The following TBC1D8 variants were observed in gnomAD, a reference collection of about 807,000 sequenced individuals.
The protein encoded by TBC1D8 is BUB2-like protein 1.
Under a neutral mutation model 118.8 loss-of-function variants are expected in TBC1D8, and 65 were observed. The ratio of observed to expected loss-of-function variants is 0.55; its 90% CI spans 0.45 to 0.67. The LOEUF is 0.67. TBC1D8 is among the 30% of genes least tolerant of loss of function. TBC1D8 has a pLI of 0.00. For missense variants in TBC1D8, 1,376 were observed against 1,471.2 expected (o/e 0.94, Z 1.06); for synonymous variants, 566 against 595.8 (o/e 0.95, Z 0.73).
intron 1 of TBC1D8, among the ~76,000 whole-genome samples, chr2:101,128,128 C>T (rs1018944221): frequency 1.3e-5 from 2 of 152,158 alleles, no homozygotes; most frequent in Non-Finnish European, 2.9e-5. Flanking sequence ...ATTCTTTCCC[C>T]CCAATAACCT....
intron 1 of TBC1D8, among the ~76,000 whole-genome samples, chr2:101,096,434 A>AAG (rs1574026540): frequency 6.7e-6 from 1 of 150,278 alleles, no homozygotes; most frequent in African/African-American, 2.4e-5. Context: ...AAAAAAAAAA[A>AAG]AAAAAAAAAA....
At chr2:101,130,718 G>C (rs964191939) in intron 1 of TBC1D8, among the ~76,000 whole-genome samples, 2 of 152,212 alleles carry the variant, frequency 1.3e-5, no homozygotes, top group East Asian at 1.9e-4. Flanking sequence ...TTAATCACTA[G>C]AGTAATCTTC....
chr2:101,100,934 A>G (rs1676783473), intron 1 of TBC1D8, among the ~76,000 whole-genome samples: 1 of 152,240 alleles, frequency 6.6e-6, no homozygotes, highest in Non-Finnish European at 1.5e-5. Flanking sequence ...ACCCAAAACC[A>G]TAAAAACCCT....
chr2:101,008,324 A>AT (rs200543793), intron 19 of TBC1D8, 51 bp from the exon 20 acceptor site: 14,344 of 1,151,892 alleles, frequency 0.012, 1 homozygote, highest in South Asian at 0.017. Context: ...TGGAAGTGTC[A>AT]TTTTTTTTTT....
chr2:101,100,433 C>G (rs780728559), intron 1 of TBC1D8, among the ~76,000 whole-genome samples: 1 of 152,196 alleles, frequency 6.6e-6, no homozygotes, highest in African/African-American at 2.4e-5. Context: ...AATGGCCATA[C>G]TGCTCCAAGA....
At position 101,032,256 on chromosome 2, in the gene TBC1D8, G is replaced by A; in HGVS notation, c.1936+12C>T. 1 of 1,611,110 alleles carries A rather than the reference G, an allele frequency of 6.2e-7. No homozygotes were observed. Among genetic ancestry groups the A allele is most frequent in the Non-Finnish European group, 8.5e-7 (1 of 1,177,580 alleles). Reference sequence around the variant, plus strand: ...CCCCAGATACACAGGAGGAGGAAGGGGGTCTGTTTACCGATCACTCGGTGG... The same window carrying A: ...CCCCAGATACACAGGAGGAGGAAGGAGGTCTGTTTACCGATCACTCGGTGG... On this transcript the variant is annotated intron_variant, in intron 11 of 19. Coordinates refer to ENST00000409318, the MANE Select transcript of TBC1D8 (RefSeq NM_001330348.2).
At chr2:101,012,860 A>C (rs947472170) in intron 17 of TBC1D8, among the ~76,000 whole-genome samples, 16 of 152,244 alleles carry the variant, frequency 1.1e-4, no homozygotes, top group Admixed American at 2.6e-4. Context: ...AGCTTTGGAA[A>C]GCTACCCTTA....
chr2:101,151,231 A>G lies in TBC1D8; in HGVS notation c.23T>C (p.Val8Ala). 1.6e-6 allele frequency: 2 copies of G among 1,229,424 alleles called. No homozygotes were observed. The highest frequency in any genetic ancestry group is 2.1e-5 in the South Asian group (1 of 47,002). The allele number at this position is 1,229,424 out of a possible 1,614,324, so 76.2% of individuals were successfully genotyped here. Residue 8 changes from valine to alanine, a missense_variant, in exon 1 of 20, where the codon GTG becomes GCG. Coordinates refer to ENST00000409318, the MANE Select transcript of TBC1D8 (RefSeq NM_001330348.2). MWLKPEE[V>A]LLKNALKLWV... ...GAGCTTCAGCGCGTTCTTCAGCAGC[A>G]CCTCCTCGGGCTTGAGCCACATCGC...
At chr2:101,144,488 G>A (rs939543073) in intron 1 of TBC1D8, among the ~76,000 whole-genome samples, 1 of 152,158 alleles carries the variant, frequency 6.6e-6, no homozygotes, top group Non-Finnish European at 1.5e-5. Context: ...GGGGAAGAGA[G>A]GCAACCCAAG....
rs561856406 is a variant in TBC1D8, at chr2:101,066,756, C to A, written c.284-7217G>T. ...GGTCAGGAGTTTGAGACCAGCCTGG[C>A]CAACGTGGCGAAACCCCGTCTCTAT... On this transcript the variant is annotated intron_variant, in intron 2 of 19. Coordinates refer to ENST00000409318, the MANE Select transcript of TBC1D8 (RefSeq NM_001330348.2). Among the ~76,000 whole-genome samples the A allele has an allele frequency of 2.4e-4, 36 of 152,124 alleles. 2 individuals carry two copies. The South Asian group carries it at 7.3e-3, about 31-fold the overall frequency.
At chr2:101,150,025 C>T (rs1679487888) in intron 1 of TBC1D8, among the ~76,000 whole-genome samples, 1 of 152,194 alleles carries the variant, frequency 6.6e-6, no homozygotes, top group South Asian at 2.1e-4. Context: ...CCCACTCACC[C>T]GGTCTCAGTG....
At chr2:101,008,589 C>T (rs910011220) in intron 19 of TBC1D8, among the ~76,000 whole-genome samples, 5 of 151,992 alleles carry the variant, frequency 3.3e-5, no homozygotes, top group Admixed American at 6.6e-5. Context: ...CCGAGGCAGG[C>T]GGATCACCTG....
chr2:101,026,802 A>G (rs1477388318), intron 15 of TBC1D8, among the ~76,000 whole-genome samples: 2 of 152,232 alleles, frequency 1.3e-5, no homozygotes, highest in African/African-American at 2.4e-5. Context: ...TTCCAGGTAA[A>G]TATCCAAATA....
At chr2:101,009,384 C>T (rs542894631) in intron 19 of TBC1D8, among the ~76,000 whole-genome samples, 8 of 141,478 alleles carry the variant, frequency 5.7e-5, no homozygotes, top group African/African-American at 1.3e-4. Flanking sequence ...CTAGCCTGGG[C>T]GACAGAGTGA....
In TBC1D8 at chr2:101,027,462, G is replaced by T; in HGVS notation, c.2452-11C>A. ...GATAACGACTCGAAGCTTGAGGAAA[G>T]AATAAACAGCAATGGCGTGAAATCT... On this transcript the variant is annotated splice_polypyrimidine_tract_variant and intron_variant, in intron 14 of 19. Transcript: ENST00000409318. The T allele has an allele frequency of 6.2e-7, 1 of 1,612,468 alleles. No homozygotes were observed. Among genetic ancestry groups the T allele is most frequent in the East Asian group, 2.2e-5 (1 of 44,846 alleles).
At chr2:101,011,313 G>A in intron 18 of TBC1D8, 138 bp downstream of exon 18, 1 of 922,872 alleles carries the variant, frequency 1.1e-6, no homozygotes, top group Non-Finnish European at 1.7e-6. Context: ...GTCCTCTAAA[G>A]GCAGTGAGTT....
chr2:101,015,243 G>GA (rs1010081499), intron 17 of TBC1D8, among the ~76,000 whole-genome samples: 16 of 150,418 alleles, frequency 1.1e-4, no homozygotes, highest in East Asian at 1.9e-4. Flanking sequence ...TGGTATAAAA[G>GA]AAAAAAAAAT....
chr2:101,066,611 A>T (rs1247130477), intron 2 of TBC1D8, among the ~76,000 whole-genome samples: 6 of 152,198 alleles, frequency 3.9e-5, no homozygotes, highest in African/African-American at 1.4e-4. Flanking sequence ...AAATTAAGGA[A>T]ATATCACAAT....
chr2:101,016,812 A>G (rs1679676986), intron 17 of TBC1D8, among the ~76,000 whole-genome samples: 1 of 152,026 alleles, frequency 6.6e-6, no homozygotes, highest in Non-Finnish European at 1.5e-5. Context: ...TTCTCAGTAA[A>G]CTATCACAAG....
Sources: allele counts gnomAD v4.1 joint callset (sites outside exome capture counted in the v4.1 genomes callset), GRCh38; gene constraint gnomAD v4.1.1; transcripts MANE v1.5; gene names NCBI Gene and HGNC (gene_info 2026-07-23, HGNC 2026-07-21).